Variants in DRC11L observed in about 807,000 individuals in gnomAD.
DRC11L encodes the protein dynein regulatory complex subunit like-11.
the DRC11L span, among the ~76,000 whole-genome samples, chr7:151,196,159 C>A: frequency 2.6e-5 from 4 of 152,128 alleles, no homozygotes; most frequent in Non-Finnish European, 5.9e-5. Flanking sequence ...ACCCTGGCTC[C>A]GAGCCCCTCC....
chr7:151,194,539 G>A, the DRC11L span: 1 of 399,258 alleles, frequency 2.5e-6, no homozygotes, highest in Non-Finnish European at 4.4e-6. Context: ...CAATGCTACT[G>A]ACTCACTCTT....
the DRC11L span, chr7:151,203,048 C>A: frequency 0.038 from 15,346 of 399,560 alleles, 951 homozygotes; most frequent in African/African-American, 0.19. Flanking sequence ...GCCCGCTCTG[C>A]CTTTTGCACT....
At chr7:151,194,083 G>A in the DRC11L span, among the ~76,000 whole-genome samples, 1 of 151,956 alleles carries the variant, frequency 6.6e-6, no homozygotes, top group Non-Finnish European at 1.5e-5. Context: ...CCTGATTTCT[G>A]GAGTGGCCCA....
the DRC11L span, chr7:151,195,908 C>G: frequency 2.9e-6 from 1 of 340,906 alleles, no homozygotes; most frequent in East Asian, 4.4e-5. Flanking sequence ...TTCTTAACAG[C>G]CTTCAACATG....
the DRC11L span, among the ~76,000 whole-genome samples, chr7:151,199,209 T>C: frequency 6.6e-6 from 1 of 152,154 alleles, no homozygotes; most frequent in Admixed American, 6.5e-5. This position sits in a 1 kb window ranked among gnomAD's most constrained non-coding sequence, Gnocchi z 5.2. Context: ...AATTCGTCTG[T>C]GTAAATTACT....
chr7:151,202,038 G>A, the DRC11L span, among the ~76,000 whole-genome samples: 1 of 152,218 alleles, frequency 6.6e-6, no homozygotes, highest in African/African-American at 2.4e-5. Flanking sequence ...AAGGAGACGT[G>A]TGAGAACCAG....
At chr7:151,191,902 C>T in the DRC11L span, 1 of 399,260 alleles carries the variant, frequency 2.5e-6, no homozygotes, top group Non-Finnish European at 4.4e-6. Context: ...AGACATGGGG[C>T]CTGGAGGGGC....
the DRC11L span, among the ~76,000 whole-genome samples, chr7:151,191,366 G>A: frequency 1.3e-5 from 2 of 152,126 alleles, no homozygotes; most frequent in Admixed American, 1.3e-4. Context: ...TGGGAAAGGT[G>A]GGTGGCAGCT....
chr7:151,197,452 C>G, the DRC11L span: 19,593 of 397,658 alleles, frequency 0.049, 3,007 homozygotes, highest in African/African-American at 0.35. Context: ...GGTGAACCAA[C>G]GATTCCCTAG....
the DRC11L span, chr7:151,191,138 C>T: frequency 7.5e-6 from 3 of 399,652 alleles, no homozygotes; most frequent in Admixed American, 1.3e-4. Context: ...ATCCTGACCT[C>T]ACCCCTCCCC....
the DRC11L span, chr7:151,197,951 T>C: frequency 2.5e-6 from 1 of 397,248 alleles, no homozygotes; most frequent in Admixed American, 4.4e-5. Context: ...AATAGATGGA[T>C]GGACAAATGG....
chr7:151,194,377 C>T, the DRC11L span: 4 of 399,016 alleles, frequency 1.0e-5, no homozygotes, highest in Admixed American at 4.4e-5. Flanking sequence ...TGGCGATAGG[C>T]AGCCACTGAG....
At chr7:151,202,804 T>C in the DRC11L span, 2 of 398,240 alleles carry the variant, frequency 5.0e-6, no homozygotes, top group Non-Finnish European at 8.9e-6. Flanking sequence ...TGAGCTGAAA[T>C]CTACAGAATC....
At chr7:151,198,365 G>T in the DRC11L span, among the ~76,000 whole-genome samples, 1 of 152,186 alleles carries the variant, frequency 6.6e-6, no homozygotes, top group Middle Eastern at 3.4e-3. Context: ...TAGACAGTTG[G>T]GTAGACGGGT....
At chr7:151,196,188 G>T in the DRC11L span, among the ~76,000 whole-genome samples, 1 of 152,210 alleles carries the variant, frequency 6.6e-6, no homozygotes, top group Non-Finnish European at 1.5e-5. Flanking sequence ...CCACACCCCT[G>T]CTGCATTAGC....
At chr7:151,203,456 C>T in the DRC11L span, 50 of 398,976 alleles carry the variant, frequency 1.3e-4, no homozygotes, top group Admixed American at 1.9e-3. Context: ...CCCTCGCTCC[C>T]GCACAGTGGT....
chr7:151,198,036 A>T, the DRC11L span: 1 of 205,610 alleles, frequency 4.9e-6, no homozygotes, highest in Non-Finnish European at 9.7e-6. Context: ...ATAGATGGAG[A>T]GGTAGGTAGA....
At chr7:151,197,755 G>A in the DRC11L span, 14 of 390,526 alleles carry the variant, frequency 3.6e-5, no homozygotes, top group East Asian at 7.3e-5. Context: ...CACCCCACTC[G>A]CTATTCTCTG....
chr7:151,203,480 A>G, the DRC11L span: 1 of 399,074 alleles, frequency 2.5e-6, no homozygotes, highest in Non-Finnish European at 4.4e-6. Flanking sequence ...CTGCTCCAGC[A>G]GGAAGTATTT....
Sources: gnomAD v4.1 joint callset for allele counts (sites outside exome capture counted in the v4.1 genomes callset) on GRCh38, gnomAD v4.1.1 for gene constraint, Gnocchi (gnomAD v3.1) non-coding constraint, MANE v1.5 for transcripts, NCBI Gene and HGNC (gene_info 2026-07-23, HGNC 2026-07-21) for gene names.